The following RBMS3 variants were observed in gnomAD, a reference collection of about 807,000 sequenced individuals.
The protein encoded by RBMS3 is RNA binding motif single stranded interacting protein 3.
In RBMS3, 27 loss-of-function variants were observed where a neutral mutation model predicts 66.8. That is an observed-to-expected ratio of 0.40 (90% CI 0.30 to 0.56). The LOEUF is 0.56. RBMS3 is among the 20% of genes least tolerant of loss of function. The pLI is 0.40. For missense variants in RBMS3, 513 were observed against 549.5 expected (o/e 0.93, Z 0.66); for synonymous variants, 188 against 183.0 (o/e 1.03, Z -0.22).
chr3:29,918,431 A>T (rs1321286094), intron 10 of RBMS3, among the ~76,000 whole-genome samples: 2 of 152,138 alleles, frequency 1.3e-5, no homozygotes, highest in African/African-American at 4.8e-5. Flanking sequence ...ATACTATCAT[A>T]ATTTAATTCT....
chr3:29,942,760 C>CATAAGT (rs1361943214), intron 11 of RBMS3, among the ~76,000 whole-genome samples: 1 of 149,652 alleles, frequency 6.7e-6, no homozygotes, highest in Non-Finnish European at 1.5e-5. Context: ...TTTAAAATGT[C>CATAAGT]ATAAGTATAT....
chr3:29,888,725 A>G (rs915085891), intron 8 of RBMS3, among the ~76,000 whole-genome samples: 1 of 151,720 alleles, frequency 6.6e-6, no homozygotes. Context: ...AAACGCACAT[A>G]TCAAATTTTG....
chr3:29,988,760 G>GTCAGAAGGAAGA (rs1292244713), intron 13 of RBMS3, among the ~76,000 whole-genome samples: 1 of 152,020 alleles, frequency 6.6e-6, no homozygotes, highest in South Asian at 2.1e-4. Context: ...GTGAGACCCT[G>GTCAGAAGGAAGA]TCAGAAGGAA....
At chr3:29,839,695 T>C (rs1332566391) in intron 6 of RBMS3, among the ~76,000 whole-genome samples, 2 of 151,820 alleles carry the variant, frequency 1.3e-5, no homozygotes, top group Non-Finnish European at 2.9e-5. Flanking sequence ...TCAGTTATAA[T>C]AAAAACTACT....
intron 3 of RBMS3, among the ~76,000 whole-genome samples, chr3:29,535,038 C>T (rs2148999932): frequency 6.6e-6 from 1 of 151,976 alleles, no homozygotes; most frequent in Non-Finnish European, 1.5e-5. Context: ...TATTTTATTC[C>T]TGTGAATAAA....
At chr3:29,994,437 G>C (rs186548673) in intron 14 of RBMS3, among the ~76,000 whole-genome samples, 7,838 of 152,296 alleles carry the variant, frequency 0.051, 448 homozygotes, top group East Asian at 0.16. Flanking sequence ...CACAGCTCAA[G>C]GAGGCCTGCC....
chr3:29,961,396 C>T (rs1293924776), intron 12 of RBMS3, among the ~76,000 whole-genome samples: 1 of 152,082 alleles, frequency 6.6e-6, no homozygotes, highest in Non-Finnish European at 1.5e-5. Flanking sequence ...TCTTCTGAAC[C>T]CTCCAAACTG....
At chr3:29,532,239 T>C (rs1384946561) in intron 3 of RBMS3, among the ~76,000 whole-genome samples, 2 of 76,064 alleles carry the variant, frequency 2.6e-5, no homozygotes, top group Admixed American at 1.3e-4. Context: ...TAATTTCGCA[T>C]ATATATGTAT....
intron 6 of RBMS3, among the ~76,000 whole-genome samples, chr3:29,865,484 G>T (rs10514683): frequency 0.068 from 10,352 of 152,220 alleles, 656 homozygotes; most frequent in African/African-American, 0.16. Context: ...GTAGCCACTG[G>T]TCAATGTGTT....
chr3:29,579,066 G>T (rs1444571477), intron 3 of RBMS3, among the ~76,000 whole-genome samples: 2 of 135,128 alleles, frequency 1.5e-5, no homozygotes, highest in Non-Finnish European at 3.1e-5. Context: ...CTCCCAAAGT[G>T]CTGGGATTAC....
At chr3:29,774,544 C>T (rs570056892) in intron 6 of RBMS3, among the ~76,000 whole-genome samples, 38 of 152,174 alleles carry the variant, frequency 2.5e-4, no homozygotes, top group African/African-American at 8.9e-4. Flanking sequence ...TACACATAAT[C>T]ATTTTAAGAT....
chr3:29,489,683 G>A (rs538763746), intron 3 of RBMS3, among the ~76,000 whole-genome samples: 116 of 150,436 alleles, frequency 7.7e-4, no homozygotes, highest in Non-Finnish European at 1.4e-3. Context: ...GCTTGGGACA[G>A]GTGGATGTTC....
chr3:29,688,047 T>C lies in RBMS3; in HGVS notation c.400-51673T>C, dbSNP rs74975646. The stretch of plus-strand genomic sequence containing the variant: ...CGTTAGTTTCATGGAACATCTAAAC[T>C]GATATTATTTTCACCCAGCTCTACT... On this transcript the variant is annotated intron_variant, in intron 4 of 14. Transcript: ENST00000383767. Among the ~76,000 whole-genome samples the C allele has an allele frequency of 1.2e-3, 179 of 152,318 alleles. 4 individuals are homozygous for C. The East Asian group carries it at 0.032, about 27-fold the overall frequency.
chr3:29,920,640 C>T lies in RBMS3; in HGVS notation c.940-15446C>T, dbSNP rs192867653. Among the ~76,000 whole-genome samples, 420 of 152,012 alleles carry T rather than the reference C, an allele frequency of 2.8e-3. 1 individual carries two copies. The highest frequency in any genetic ancestry group is 3.5e-3 in the Non-Finnish European group (239 of 67,984). On this transcript the variant is annotated intron_variant, in intron 10 of 14. Transcript: ENST00000383767. ...AACTTTGACAACTAATTTCCTGATT[C>T]GTTAAAGTCCCTAATGAATATACAT...
Position 29,457,827 on chromosome 3 carries a change from CTT to C in RBMS3, c.248+22928_248+22929del, listed in dbSNP as rs36020077. ...AGCTCTTACCATTTCTCAATTTGCA[CTT>C]TTTTTTTTTTTTTTTGACATTAAGC... On this transcript the variant is annotated intron_variant, in intron 2 of 14. Coordinates refer to ENST00000383767, the MANE Select transcript of RBMS3 (RefSeq NM_001003793.3). Among the ~76,000 whole-genome samples the C allele has an allele frequency of 5.5e-4, 78 of 140,754 alleles. 1 individual carries two copies. The highest frequency in any genetic ancestry group is 1.1e-3 in the Admixed American group (15 of 14,170). 92.3% of individuals were successfully genotyped at this position (140,754 alleles called of 152,430 possible). A position where few individuals can be genotyped will look rare whatever the true frequency, so the allele number is the denominator to read the frequency against.
intron 1 of RBMS3, among the ~76,000 whole-genome samples, chr3:29,300,133 T>A (rs1254469850): frequency 1.3e-5 from 2 of 151,960 alleles, no homozygotes; most frequent in African/African-American, 4.8e-5. Context: ...TACTTGGTTT[T>A]TAAAGAGTTA....
At chr3:29,594,289 A>T (rs2047867773) in intron 4 of RBMS3, among the ~76,000 whole-genome samples, 1 of 152,056 alleles carries the variant, frequency 6.6e-6, no homozygotes, top group Non-Finnish European at 1.5e-5. Flanking sequence ...TGTGAGTCAA[A>T]TTCTAATTGA....
intron 4 of RBMS3, among the ~76,000 whole-genome samples, chr3:29,733,626 G>A (rs2054232307): frequency 1.3e-5 from 2 of 152,014 alleles, no homozygotes; most frequent in Admixed American, 6.6e-5. Flanking sequence ...TAGTGATGTT[G>A]AGTATATTTC....
At chr3:29,679,337 G>A (rs559133401) in intron 4 of RBMS3, among the ~76,000 whole-genome samples, 43 of 152,132 alleles carry the variant, frequency 2.8e-4, no homozygotes, top group South Asian at 4.1e-4. Context: ...ATTATCCGTC[G>A]ATTTTTCTAT....
Sources: gnomAD v4.1 joint callset for allele counts (sites outside exome capture counted in the v4.1 genomes callset) on GRCh38, gnomAD v4.1.1 for gene constraint, MANE v1.5 for transcripts, NCBI Gene and HGNC (gene_info 2026-07-23, HGNC 2026-07-21) for gene names.